The following GPD1 variants were observed in gnomAD, a reference collection of about 807,000 sequenced individuals.
GPD1 encodes the protein glycerol-3-phosphate dehydrogenase 1.
Under a neutral mutation model 34.4 loss-of-function variants are expected in GPD1, and 19 were observed. That is an observed-to-expected ratio of 0.55 (90% confidence interval 0.39 to 0.81). The LOEUF (loss-of-function observed/expected upper bound fraction) is 0.81, where lower values mean the gene tolerates loss of function less well. Among genes scored for constraint, GPD1 ranks in the 30% least tolerant of loss-of-function variants. GPD1 has a pLI of 0.00. For synonymous variants in GPD1, 172 were observed against 174.1 expected (o/e 0.99, Z 0.09); for missense variants, 429 against 447.0 (o/e 0.96, Z 0.36).
intron 3 of GPD1, 25 bp from the exon 4 acceptor site, chr12:50,106,263 G>A (rs1950977167): frequency 6.3e-7 from 1 of 1,575,438 alleles, no homozygotes; most frequent in Admixed American, 2.1e-5. Flanking sequence ...AAGGGCACCT[G>A]GCCTGAGCTC....
intron 1 of GPD1, 88 bp downstream of exon 1, chr12:50,104,179 C>A: frequency 8.1e-7 from 1 of 1,238,518 alleles, no homozygotes; most frequent in Non-Finnish European, 1.2e-6. Context: ...GAAAGGCCCT[C>A]AGGTTCCTGT....
At chr12:50,106,260 C>T in intron 3 of GPD1, 28 bp from the exon 4 acceptor site, 2 of 1,568,270 alleles carry the variant, frequency 1.3e-6, no homozygotes, top group Non-Finnish European at 1.7e-6. Context: ...CCAAAGGGCA[C>T]CTGGCCTGAG....
chr12:50,105,404 G>A, intron 2 of GPD1, 144 bp from the exon 3 acceptor site: 1 of 738,750 alleles, frequency 1.4e-6, no homozygotes, highest in Non-Finnish European at 2.2e-6. Flanking sequence ...ATTCCTCCAA[G>A]TTCAGTCCTT....
chr12:50,106,736 C>A, intron 4 of GPD1, 69 bp from the exon 5 acceptor site: 3 of 871,226 alleles, frequency 3.4e-6, no homozygotes, highest in Non-Finnish European at 5.3e-6. Flanking sequence ...GAGAGACTCC[C>A]ATCTCTATAA....
chr12:50,109,557 C>T lies in GPD1; in HGVS notation c.*38C>T. On this transcript the variant is annotated 3_prime_UTR_variant, in exon 8 of 8. Coordinates refer to ENST00000301149, the MANE Select transcript of GPD1 (RefSeq NM_005276.4). Reference sequence around the variant, plus strand: ...CCCAGGCCAGGCCGCTTTTTTACCCCAGTGGAGACCAGCAGAAGCCTGGGG... The same window carrying T: ...CCCAGGCCAGGCCGCTTTTTTACCCTAGTGGAGACCAGCAGAAGCCTGGGG... 3 of 965,468 alleles carry T rather than the reference C, an allele frequency of 3.1e-6. No homozygotes were observed. The highest frequency in any genetic ancestry group is 1.3e-5 in the South Asian group (1 of 78,212). 59.8% of individuals were successfully genotyped at this position (965,468 alleles called of 1,614,324 possible).
Position 50,106,845 on chromosome 12 carries a change from G to A in GPD1, c.540G>A (p.Leu180=), listed in dbSNP as rs749232665. The A allele has an allele frequency of 1.2e-6, 2 of 1,612,336 alleles. No individual in the cohort carries two copies. The highest frequency in any genetic ancestry group is 2.7e-5 in the African/African-American group (2 of 74,916). ...DPAQGQLLKE[L]MQTPNFRITV... is the part of the protein sequence containing the mutation. ...CCCAGGGACAACTCCTGAAAGAGCTGATGCAGACACCAAACTTCCGTATCA... is the reference window on the plus strand; with the variant it reads ...CCCAGGGACAACTCCTGAAAGAGCTAATGCAGACACCAAACTTCCGTATCA... Residue 180 remains leucine (L), a synonymous_variant, in exon 5 of 8, where the codon CTG becomes CTA. Transcript: ENST00000301149.
intron 2 of GPD1, 81 bp from the exon 3 acceptor site, chr12:50,105,467 G>A: frequency 6.2e-6 from 9 of 1,440,824 alleles, no homozygotes; most frequent in Non-Finnish European, 8.5e-6. Flanking sequence ...CTCACTCTTT[G>A]GCTCCCAGAT....
At chr12:50,107,535 C>T (rs1340735524) in intron 5 of GPD1, 32 bp from the exon 6 acceptor site, 2 of 1,548,278 alleles carry the variant, frequency 1.3e-6, no homozygotes, top group South Asian at 2.2e-5. Flanking sequence ...AGGAGGGGGT[C>T]TTTTCTCACC....
rs543043717 is a variant in GPD1, at chr12:50,105,254, C to T, written c.220-294C>T. 2.0e-5 allele frequency: 8 copies of T among 404,042 alleles called. No homozygotes were observed. In the Middle Eastern group the frequency reaches 2.0e-3, roughly 101 times the overall value. 25.0% of individuals were successfully genotyped at this position (404,042 alleles called of 1,614,324 possible). A position where few individuals can be genotyped will look rare whatever the true frequency, so the allele number is the denominator to read the frequency against. On this transcript the variant is annotated intron_variant, in intron 2 of 7. Coordinates refer to ENST00000301149, the MANE Select transcript of GPD1 (RefSeq NM_005276.4). ...TTTGAGCTCTTTCTTTTGCCAAGCC[C>T]AGGCTGCTTTTGGCCTCCCGCACTG...
At position 50,110,419 on chromosome 12, in the gene GPD1, C is replaced by G. The variant is rs1396580778; in HGVS notation, c.*900C>G. 1 of 152,972 alleles carries G rather than the reference C, an allele frequency of 6.5e-6. No homozygotes were observed. Among genetic ancestry groups the G allele is most frequent in the Non-Finnish European group, 1.5e-5 (1 of 68,288 alleles). 9.5% of individuals were successfully genotyped at this position (152,972 alleles called of 1,614,324 possible). On this transcript the variant is annotated 3_prime_UTR_variant, in exon 8 of 8. Coordinates refer to ENST00000301149, the MANE Select transcript of GPD1 (RefSeq NM_005276.4). The stretch of plus-strand genomic sequence containing the variant: ...CCTTTGTATTCACCCAGGCTTCCTT[C>G]TCAGTAGCTCTAGCTGGGGGAGGTG...
In GPD1 at chr12:50,105,665, G is replaced by A. The variant is rs1128867; in HGVS notation, c.337G>A (p.Ala113Thr). 13 of 1,614,138 alleles carry A rather than the reference G, an allele frequency of 8.1e-6. No homozygotes were observed. Among genetic ancestry groups the A allele is most frequent in the Middle Eastern group, 1.6e-4 (1 of 6,062 alleles). The change falls in exon 3 of 8, where the codon GCC becomes ACC. Residue 113 changes from alanine to threonine, a missense_variant. Physicochemically the swap from Ala to Thr is moderately conservative, Grantham distance 58 (BLOSUM62 0). Coordinates refer to ENST00000301149, the MANE Select transcript of GPD1 (RefSeq NM_005276.4). Reference protein sequence around the residue: ...DQLKGHLKANATGISLIKGVD... With the variant: ...DQLKGHLKANTTGISLIKGVD... Reference sequence around the variant, plus strand: ...GCTCAAGGGCCATCTGAAGGCAAACGCCACTGGCATATCTCTTATTAAGGT... The same window carrying A: ...GCTCAAGGGCCATCTGAAGGCAAACACCACTGGCATATCTCTTATTAAGGT...
chr12:50,108,404 G>A (rs1325251739), intron 7 of GPD1, among the ~76,000 whole-genome samples: 1 of 152,116 alleles, frequency 6.6e-6, no homozygotes, highest in Non-Finnish European at 1.5e-5. Context: ...CTGCTCTGGG[G>A]TTGGAGCTCT....
In GPD1 at chr12:50,106,783, C is replaced by A. The variant is rs745410678; in HGVS notation, c.500-22C>A. The A allele has an allele frequency of 5.9e-6, 8 of 1,359,548 alleles. No homozygotes were observed. In the East Asian group the frequency reaches 1.8e-4, roughly 31 times the overall value. 84.2% of individuals were successfully genotyped at this position (1,359,548 alleles called of 1,614,324 possible). On this transcript the variant is annotated intron_variant, in intron 4 of 7. Transcript: ENST00000301149. ...TTTAAAAAGAGTCCTTCCCTCAAAGCCTTGCCCCCTCCTCACTTTAGGCTG... is the reference window on the plus strand; with the variant it reads ...TTTAAAAAGAGTCCTTCCCTCAAAGACTTGCCCCCTCCTCACTTTAGGCTG...
chr12:50,106,270 G>A lies in GPD1; in HGVS notation c.361-18G>A. 6.3e-7 allele frequency: 1 copy of A among 1,590,256 alleles called. No individual in the cohort carries two copies. Reference sequence around the variant, plus strand: ...TGGGCCCAAAGGGCACCTGGCCTGAGCTCCATCCTGTGCTCAGGGGGTAGA... The same window carrying A: ...TGGGCCCAAAGGGCACCTGGCCTGAACTCCATCCTGTGCTCAGGGGGTAGA... On this transcript the variant is annotated intron_variant, in intron 3 of 7. Coordinates refer to ENST00000301149, the MANE Select transcript of GPD1 (RefSeq NM_005276.4).
In GPD1 at chr12:50,106,766, G is replaced by C. The variant is rs748468737; in HGVS notation, c.500-39G>C. 5.3e-6 allele frequency: 6 copies of C among 1,134,660 alleles called. No individual in the cohort carries two copies. In the Admixed American group the frequency reaches 9.1e-5, roughly 17 times the overall value. 70.3% of individuals were successfully genotyped at this position (1,134,660 alleles called of 1,614,324 possible). On this transcript the variant is annotated intron_variant, in intron 4 of 7. Coordinates refer to ENST00000301149, the MANE Select transcript of GPD1 (RefSeq NM_005276.4). The stretch of plus-strand genomic sequence containing the variant: ...CTATAAAATAAATATTTTTTAAAAA[G>C]AGTCCTTCCCTCAAAGCCTTGCCCC...
chr12:50,104,923 A>G (rs980017321), intron 2 of GPD1, among the ~76,000 whole-genome samples, 172 bp downstream of exon 2: 2 of 150,998 alleles, frequency 1.3e-5, no homozygotes, highest in African/African-American at 4.8e-5. Context: ...AGGAGAACCT[A>G]TGCTTTCCCC....
At chr12:50,107,097 C>G in intron 5 of GPD1, 180 bp downstream of exon 5, 1 of 698,950 alleles carries the variant, frequency 1.4e-6, no homozygotes, top group Non-Finnish European at 2.6e-6. Flanking sequence ...TTCAGGCCGG[C>G]TGATTATTCA....
chr12:50,108,099 A>G lies in GPD1; in HGVS notation c.922A>G (p.Ser308Gly), dbSNP rs927939779. Residue 308 changes from serine to glycine, a missense_variant, in exon 7 of 8, where the codon AGC (serine) becomes GGC (glycine). Transcript: ENST00000301149. ...GCCCGAGACAGCCCGGGAGCTATAC[A>G]GCATCCTCCAGCACAAGGGCCTGGT... ...QGPETARELY[S>G]ILQHKGLVDK... is the part of the protein sequence containing the mutation. 2 of 1,610,046 alleles carry G rather than the reference A, an allele frequency of 1.2e-6. No homozygotes were observed. The highest frequency in any genetic ancestry group is 3.3e-5 in the Admixed American group (2 of 59,912).
At position 50,106,927 on chromosome 12, in the gene GPD1, G is replaced by T; in HGVS notation, c.612+10G>T. 1 of 1,515,848 alleles carries T rather than the reference G, an allele frequency of 6.6e-7. No individual in the cohort carries two copies. The allele number at this position is 1,515,848 out of a possible 1,614,324, so 93.9% of individuals were successfully genotyped here. On this transcript the variant is annotated intron_variant, in intron 5 of 7. Coordinates refer to ENST00000301149, the MANE Select transcript of GPD1 (RefSeq NM_005276.4). ...CTGTGGAGCCTTAAAGGTGAGAGGGGCACAGAGGCAGCTATGGGGTGAGGA... is the reference window on the plus strand; with the variant it reads ...CTGTGGAGCCTTAAAGGTGAGAGGGTCACAGAGGCAGCTATGGGGTGAGGA...
Sources: allele counts gnomAD v4.1 joint callset (sites outside exome capture counted in the v4.1 genomes callset), GRCh38; gene constraint gnomAD v4.1.1; transcripts MANE v1.5; gene names NCBI Gene and HGNC (gene_info 2026-07-23, HGNC 2026-07-21).